SORCS2: variants seen among roughly 807,000 people sequenced by gnomAD.
SORCS2 encodes the protein sortilin related VPS10 domain containing receptor 2, also known as VPS10 domain-containing receptor SorCS2.
Under a neutral mutation model 141.6 loss-of-function variants are expected in SORCS2, and 100 were observed. The ratio of observed to expected loss-of-function variants is 0.71; its 90% CI spans 0.60 to 0.83. SORCS2 has a LOEUF of 0.83. Ranked by LOEUF, SORCS2 falls within the 40% of genes least tolerant of loss-of-function variation. The pLI is 0.00. For synonymous variants in SORCS2, 789 were observed against 676.9 expected (o/e 1.17, Z -2.57); for missense variants, 1,646 against 1,560.2 (o/e 1.05, Z -0.93).
intron 1 of SORCS2, among the ~76,000 whole-genome samples, chr4:7,342,996 G>A (rs955149119): frequency 1.3e-5 from 2 of 152,188 alleles, no homozygotes; most frequent in Non-Finnish European, 2.9e-5. Context: ...ACATAGGGTG[G>A]CTGCAGACAG....
chr4:7,346,895 G>T lies in SORCS2; in HGVS notation c.481-49393G>T, dbSNP rs531762375. ...ACATTCATCAAACTGTACTATAATT[G>T]CTTGAAAATTTCATGAGATCAGGGA... On this transcript the variant is annotated intron_variant, in intron 1 of 26. Transcript: ENST00000507866. Among the ~76,000 whole-genome samples, 55 of 152,210 alleles carry T rather than the reference G, an allele frequency of 3.6e-4. 1 individual carries two copies. The highest frequency in any genetic ancestry group is 2.5e-3 in the South Asian group (12 of 4,810).
chr4:7,681,006 G>T lies in SORCS2; in HGVS notation c.1342-1737G>T, dbSNP rs1208691716. On this transcript the variant is annotated intron_variant, in intron 9 of 26. Coordinates refer to ENST00000507866, the MANE Select transcript of SORCS2 (RefSeq NM_020777.3). ...ACCCACATCTGGTTTAGATGACTCA[G>T]ATGATAAGGTTTGGAACTTTTGATC... Among the ~76,000 whole-genome samples, 4 of 152,254 alleles carry T rather than the reference G, an allele frequency of 2.6e-5. No homozygotes were observed. The South Asian group carries it at 6.2e-4, about 24-fold the overall frequency.
chr4:7,476,696 G>T (rs552348304), intron 2 of SORCS2, among the ~76,000 whole-genome samples: 2 of 152,112 alleles, frequency 1.3e-5, no homozygotes, highest in Non-Finnish European at 2.9e-5. Context: ...CTCCTGCTAG[G>T]AGTCCCTCTC....
chr4:7,339,894 C>T (rs568069521), intron 1 of SORCS2, among the ~76,000 whole-genome samples: 2 of 152,312 alleles, frequency 1.3e-5, no homozygotes, highest in South Asian at 4.1e-4. Context: ...AAGGCCCCAA[C>T]CCAGGCTCTG....
intron 2 of SORCS2, chr4:7,433,342 A>G (rs746001292): frequency 1.3e-5 from 19 of 1,425,906 alleles, no homozygotes; most frequent in Non-Finnish European, 1.4e-5. Context: ...GTGGAGGTGC[A>G]TCTCTTTCCA....
intron 9 of SORCS2, among the ~76,000 whole-genome samples, chr4:7,682,521 A>G (rs2285786): frequency 0.41 from 61,983 of 151,992 alleles, 13,001 homozygotes; most frequent in African/African-American, 0.48. Flanking sequence ...CTTCAGAGCT[A>G]GACAGAACTA....
intron 3 of SORCS2, among the ~76,000 whole-genome samples, chr4:7,603,091 T>C (rs893134913): frequency 1.3e-4 from 20 of 148,820 alleles, no homozygotes; most frequent in African/African-American, 4.7e-4. Context: ...GAGGTTGCAG[T>C]GAGCAGAGAT....
Position 7,741,788 on chromosome 4 carries a change from C to T in SORCS2, c.*1524C>T, listed in dbSNP as rs1712699455. The T allele has an allele frequency of 6.5e-6, 1 of 153,062 alleles. No individual in the cohort carries two copies. The highest frequency in any genetic ancestry group is 6.5e-5 in the Admixed American group (1 of 15,306). 9.5% of individuals were successfully genotyped at this position (153,062 alleles called of 1,614,324 possible). On this transcript the variant is annotated 3_prime_UTR_variant, in exon 27 of 27. Coordinates refer to ENST00000507866, the MANE Select transcript of SORCS2 (RefSeq NM_020777.3). ...GACAGTGCAGACGTTCTCCCATCCA[C>T]CATGTCTGAGCTTGGGGGAATTGCC...
chr4:7,363,410 C>T (rs1721716927), intron 1 of SORCS2, among the ~76,000 whole-genome samples: 1 of 151,762 alleles, frequency 6.6e-6, no homozygotes, highest in Non-Finnish European at 1.5e-5. Context: ...TCACTGTCAC[C>T]ATAACTGTGC....
At position 7,565,054 on chromosome 4, in the gene SORCS2, G is replaced by A. The variant is rs1463572604; in HGVS notation, c.648+33425G>A. ...TGTTACGATTGAGGCCCGTGTGTTA[G>A]CTACCTCGAGCCAAAGGTGCTCAGA... On this transcript the variant is annotated intron_variant, in intron 3 of 26. Coordinates refer to ENST00000507866, the MANE Select transcript of SORCS2 (RefSeq NM_020777.3). 2.6e-5 allele frequency among the ~76,000 whole-genome samples: 4 copies of A among 152,304 alleles called. No homozygotes were observed. In the South Asian group the frequency reaches 8.3e-4, roughly 32 times the overall value.
chr4:7,589,399 G>T (rs28687832), intron 3 of SORCS2, among the ~76,000 whole-genome samples: 773 of 16,080 alleles, frequency 0.048, 9 homozygotes, highest in East Asian at 0.38. Flanking sequence ...CGTTTTTTTT[G>T]TTTGTTTGTT....
chr4:7,471,189 C>T (rs1384567732), intron 2 of SORCS2, among the ~76,000 whole-genome samples: 1 of 152,204 alleles, frequency 6.6e-6, no homozygotes, highest in Non-Finnish European at 1.5e-5. Flanking sequence ...CTATCGGGGC[C>T]AGCATCCTGC....
chr4:7,308,905 C>G (rs1350537166), intron 1 of SORCS2, among the ~76,000 whole-genome samples: 3 of 152,236 alleles, frequency 2.0e-5, no homozygotes, highest in Non-Finnish European at 4.4e-5. Flanking sequence ...AGACACACCT[C>G]TGGTGTGGCA....
chr4:7,704,161 G>A lies in SORCS2; in HGVS notation c.1761-16G>A, dbSNP rs991268274. ...TCCAGCCCACCCCAGAGATGCTGACGATCTTCTCCTGGCAGGTTCAGTGTG... is the reference window on the plus strand; with the variant it reads ...TCCAGCCCACCCCAGAGATGCTGACAATCTTCTCCTGGCAGGTTCAGTGTG... On this transcript the variant is annotated splice_polypyrimidine_tract_variant and intron_variant, in intron 13 of 26. Coordinates refer to ENST00000507866, the MANE Select transcript of SORCS2 (RefSeq NM_020777.3). 7.5e-6 allele frequency: 12 copies of A among 1,607,048 alleles called. No homozygotes were observed. The highest frequency in any genetic ancestry group is 2.2e-5 in the South Asian group (2 of 89,422).
At position 7,548,879 on chromosome 4, in the gene SORCS2, T is replaced by C. The variant is rs552420923; in HGVS notation, c.648+17250T>C. ...TAGCCTAAAATCCTACTCTGCCGGA[T>C]TGACAAAAGAGCTGGCCTTCAACAC... is the stretch of plus-strand genomic sequence containing the variant. On this transcript the variant is annotated intron_variant, in intron 3 of 26. Coordinates refer to ENST00000507866, the MANE Select transcript of SORCS2 (RefSeq NM_020777.3). 2.0e-5 allele frequency among the ~76,000 whole-genome samples: 3 copies of C among 152,334 alleles called. No individual in the cohort carries two copies. The South Asian group carries it at 6.2e-4, about 32-fold the overall frequency.
rs1361817365 is a variant in SORCS2 at position 7,259,170 on chromosome 4, T to C, written c.480+66044T>C. Among the ~76,000 whole-genome samples, 6 of 152,204 alleles carry C rather than the reference T, an allele frequency of 3.9e-5. No homozygotes were observed. The East Asian group carries it at 1.2e-3, about 29-fold the overall frequency. On this transcript the variant is annotated intron_variant, in intron 1 of 26. Transcript: ENST00000507866. Reference sequence around the variant, plus strand: ...TCTGTTTTGGCTTTTGTTGCCACCGTTTCTTTAAATTCTATTAACCATGTG... The same window carrying C: ...TCTGTTTTGGCTTTTGTTGCCACCGCTTCTTTAAATTCTATTAACCATGTG...
chr4:7,384,811 G>C (rs780442570), intron 1 of SORCS2, among the ~76,000 whole-genome samples: 1 of 152,230 alleles, frequency 6.6e-6, no homozygotes, highest in Admixed American at 6.5e-5. Flanking sequence ...CAGCAGGCAC[G>C]GGCACGTAGA....
At chr4:7,580,917 C>T (rs1716101246) in intron 3 of SORCS2, among the ~76,000 whole-genome samples, 1 of 151,758 alleles carries the variant, frequency 6.6e-6, no homozygotes, top group African/African-American at 2.4e-5. Context: ...ATAGATATGC[C>T]CTGGGATTAT....
chr4:7,622,506 T>C (rs1719263182), intron 3 of SORCS2, among the ~76,000 whole-genome samples: 1 of 152,174 alleles, frequency 6.6e-6, no homozygotes, highest in Admixed American at 6.5e-5. Flanking sequence ...AGCCGGCCCC[T>C]CTGCTGCTGC....
Sources: gnomAD v4.1 joint callset for allele counts (sites outside exome capture counted in the v4.1 genomes callset) on GRCh38, gnomAD v4.1.1 for gene constraint, MANE v1.5 for transcripts, NCBI Gene and HGNC (gene_info 2026-07-23, HGNC 2026-07-21) for gene names.